The following ARHGAP39 variants were observed in gnomAD, a reference collection of about 807,000 sequenced individuals.
ARHGAP39 encodes the protein rho GTPase-activating protein 39.
Under a neutral mutation model 106.9 loss-of-function variants are expected in ARHGAP39, and 44 were observed. The ratio of observed to expected loss-of-function variants is 0.41; its 90% confidence interval spans 0.32 to 0.53. The LOEUF (loss-of-function observed/expected upper bound fraction) is 0.53, where lower values mean the gene tolerates loss of function less well. Among genes scored for constraint, ARHGAP39 ranks in the 20% least tolerant of loss-of-function variants. The pLI, the probability that ARHGAP39 is intolerant of heterozygous loss-of-function variation, is 0.21. For missense variants in ARHGAP39, 1,496 were observed against 1,577.3 expected (o/e 0.95, Z 0.87); for synonymous variants, 768 against 693.2 (o/e 1.11, Z -1.69).
At chr8:144,685,576 G>T (rs1822567386) in intron 1 of ARHGAP39, among the ~76,000 whole-genome samples, 110 bp downstream of exon 1, 1 of 148,370 alleles carries the variant, frequency 6.7e-6, no homozygotes, top group Admixed American at 6.7e-5. Context: ...TTGCGCTGCC[G>T]GGCCTGGAGC....
intron 1 of ARHGAP39, among the ~76,000 whole-genome samples, chr8:144,619,720 ATG>A (rs1326426334): frequency 1.6e-5 from 2 of 122,900 alleles, no homozygotes; most frequent in Admixed American, 8.4e-5. Context: ...GAAAAAGCAT[ATG>A]TGTCCGTGTG....
intron 1 of ARHGAP39, among the ~76,000 whole-genome samples, chr8:144,682,723 A>G (rs2129772542): frequency 6.6e-6 from 1 of 152,220 alleles, no homozygotes; most frequent in East Asian, 1.9e-4. Flanking sequence ...TATAACAACA[A>G]TGGCAGGCTG....
intron 1 of ARHGAP39, among the ~76,000 whole-genome samples, chr8:144,643,367 T>C (rs1821359681): frequency 6.6e-6 from 1 of 152,150 alleles, no homozygotes; most frequent in African/African-American, 2.4e-5. Context: ...GTGGGAGGAC[T>C]GCTTGAGCCC....
chr8:144,632,695 T>A (rs1407587797), intron 1 of ARHGAP39, among the ~76,000 whole-genome samples: 1 of 152,152 alleles, frequency 6.6e-6, no homozygotes, highest in African/African-American at 2.4e-5. Flanking sequence ...GCGCTGCACA[T>A]CAGGTGATGG....
At chr8:144,562,246 A>ACTCCAGTGGTTTCCATCGTG (rs750402221) in intron 3 of ARHGAP39, among the ~76,000 whole-genome samples, 57 of 138,136 alleles carry the variant, frequency 4.1e-4, no homozygotes, top group African/African-American at 9.4e-4. Context: ...TTTCCATCAC[A>ACTCCAGTGGTTTCCATCGTG]CTCCAGTGGT....
chr8:144,654,813 C>G (rs1003421999), intron 1 of ARHGAP39, among the ~76,000 whole-genome samples: 9 of 151,936 alleles, frequency 5.9e-5, no homozygotes, highest in African/African-American at 2.2e-4. Context: ...TCTGAGCCTC[C>G]CTGTGTTCTT....
chr8:144,587,686 G>A (rs1160572321), intron 2 of ARHGAP39, among the ~76,000 whole-genome samples: 9 of 147,914 alleles, frequency 6.1e-5, no homozygotes, highest in African/African-American at 1.3e-4. Flanking sequence ...ACGGAGTCTC[G>A]CTCCGTCATC....
chr8:144,556,943 G>A (rs991982921), intron 3 of ARHGAP39, among the ~76,000 whole-genome samples: 5 of 140,778 alleles, frequency 3.6e-5, no homozygotes, highest in African/African-American at 1.5e-4. Context: ...GAGGCAAAAG[G>A]CTGAACCTTC....
At chr8:144,590,146 G>T (rs1218193495) in intron 2 of ARHGAP39, among the ~76,000 whole-genome samples, 1 of 152,236 alleles carries the variant, frequency 6.6e-6, no homozygotes, top group Non-Finnish European at 1.5e-5. Flanking sequence ...TCCCGACAGG[G>T]CCTGACAGAA....
At chr8:144,623,145 T>C (rs1034736229) in intron 1 of ARHGAP39, among the ~76,000 whole-genome samples, 1 of 152,232 alleles carries the variant, frequency 6.6e-6, no homozygotes, top group African/African-American at 2.4e-5. Flanking sequence ...ATACTAATTT[T>C]AGACTTCAAC....
chr8:144,540,016 G>T (rs1237418748), intron 6 of ARHGAP39, among the ~76,000 whole-genome samples: 2 of 152,200 alleles, frequency 1.3e-5, no homozygotes, highest in Admixed American at 1.3e-4. Context: ...TGATTCATAA[G>T]CACAGCAGAC....
At chr8:144,653,992 G>A (rs1321606593) in intron 1 of ARHGAP39, among the ~76,000 whole-genome samples, 3 of 152,238 alleles carry the variant, frequency 2.0e-5, no homozygotes, top group Admixed American at 1.3e-4. Context: ...CTGCACGTGA[G>A]CACGGCTGTC....
At chr8:144,643,224 G>A (rs1383454672) in intron 1 of ARHGAP39, among the ~76,000 whole-genome samples, 1 of 152,120 alleles carries the variant, frequency 6.6e-6, no homozygotes, top group Non-Finnish European at 1.5e-5. Context: ...CACTTTGGGA[G>A]GCTGAGGTGA....
intron 1 of ARHGAP39, among the ~76,000 whole-genome samples, chr8:144,635,483 T>C (rs953519152): frequency 2.6e-5 from 4 of 152,212 alleles, no homozygotes; most frequent in African/African-American, 7.2e-5. Context: ...TCTGTATCCT[T>C]TGTAATATCC....
Position 144,540,767 on chromosome 8 carries a change from T to C in ARHGAP39, c.2522-2954A>G, listed in dbSNP as rs191861338. Among the ~76,000 whole-genome samples, 342 of 152,304 alleles carry C rather than the reference T, an allele frequency of 2.2e-3. 1 individual carries two copies. The highest frequency in any genetic ancestry group is 7.8e-3 in the African/African-American group (325 of 41,558). ...GTGAGCAGTGACGTCACCACTGCAC[T>C]TCCCTGGGCAATACAGTGAGAACCT... On this transcript the variant is annotated intron_variant, in intron 6 of 11. Transcript: ENST00000377307.
At chr8:144,563,411 G>A (rs1818277259) in intron 3 of ARHGAP39, among the ~76,000 whole-genome samples, 1 of 152,086 alleles carries the variant, frequency 6.6e-6, no homozygotes, top group Non-Finnish European at 1.5e-5. Context: ...AAGTTTTATT[G>A]TCATTTTTTA....
intron 2 of ARHGAP39, among the ~76,000 whole-genome samples, chr8:144,592,937 A>G (rs1050613040): frequency 6.6e-6 from 1 of 152,176 alleles, no homozygotes; most frequent in African/African-American, 2.4e-5. Flanking sequence ...GCCCTCCACC[A>G]CAGAGGGTCA....
At position 144,585,616 on chromosome 8, in the gene ARHGAP39, C is replaced by T. The variant is rs1218406885; in HGVS notation, c.81-4339G>A. On this transcript the variant is annotated intron_variant, in intron 2 of 11. Transcript: ENST00000377307. The surrounding 1 kb of genome is among the most constrained non-coding windows in gnomAD (Gnocchi z 4.6). ...ACAGGGACACCAACATGGTGCACCT[C>T]GAACCCCCACAGCTCAGCACTCTAG... Among the ~76,000 whole-genome samples the T allele has an allele frequency of 6.6e-6, 1 of 152,160 alleles. No individual in the cohort carries two copies. Among genetic ancestry groups the T allele is most frequent in the East Asian group, 1.9e-4 (1 of 5,188 alleles).
At chr8:144,611,629 T>C (rs960774535) in intron 1 of ARHGAP39, among the ~76,000 whole-genome samples, 2 of 152,244 alleles carry the variant, frequency 1.3e-5, no homozygotes, top group Non-Finnish European at 2.9e-5. Context: ...TCAGTACATT[T>C]GATATTACAG....
Sources: gnomAD v4.1 joint callset for allele counts (sites outside exome capture counted in the v4.1 genomes callset) on GRCh38, gnomAD v4.1.1 for gene constraint, Gnocchi (gnomAD v3.1) non-coding constraint, MANE v1.5 for transcripts, NCBI Gene and HGNC (gene_info 2026-07-23, HGNC 2026-07-21) for gene names.